Variants in CMSS1 observed in about 807,000 individuals in gnomAD.
CMSS1 encodes cms1 ribosomal small subunit homolog.
A neutral mutation model predicts 43.5 loss-of-function variants in CMSS1; 33 were observed. The ratio of observed to expected loss-of-function variants is 0.76; its 90% CI spans 0.57 to 1.01. CMSS1 has a LOEUF of 1.01. Ranked by LOEUF, CMSS1 falls within the 50% of genes least tolerant of loss-of-function variation. The pLI is 0.00. For synonymous variants in CMSS1, 115 were observed against 117.2 expected (o/e 0.98, Z 0.12); for missense variants, 313 against 326.4 (o/e 0.96, Z 0.32).
intron 1 of CMSS1, among the ~76,000 whole-genome samples, chr3:99,892,094 C>G (rs1466789802): frequency 6.6e-6 from 1 of 152,158 alleles, no homozygotes; most frequent in Non-Finnish European, 1.5e-5. Context: ...ATGCTTTTAC[C>G]AAACCTCTGT....
intron 1 of CMSS1, among the ~76,000 whole-genome samples, chr3:100,014,895 C>CTTTTTTTTTTTTT (rs1233573719): frequency 1.2e-4 from 3 of 25,006 alleles, no homozygotes; most frequent in Non-Finnish European, 1.4e-4. Context: ...TTCTTTCTTT[C>CTTTTTTTTTTTTT]TTTTTTTTTT....
Position 99,924,527 on chromosome 3 carries a change from T to A in CMSS1, c.64+106484T>A, listed in dbSNP as rs1288523750. The A allele has an allele frequency of 2.8e-6, 3 of 1,064,142 alleles. No individual in the cohort carries two copies. In the African/African-American group the frequency reaches 4.8e-5, roughly 17 times the overall value. 65.9% of individuals were successfully genotyped at this position (1,064,142 alleles called of 1,614,324 possible). A position where few individuals can be genotyped will look rare whatever the true frequency, so the allele number is the denominator to read the frequency against. On this transcript the variant is annotated intron_variant, in intron 1 of 9. Coordinates refer to ENST00000421999, the MANE Select transcript of CMSS1 (RefSeq NM_032359.4). The stretch of plus-strand genomic sequence containing the variant: ...CAGTGGGTTTTTTTGGTTTTTTGTT[T>A]GTTTGTTTTGAAACAGTTTTCGCTG...
At position 99,848,674 on chromosome 3, in the gene CMSS1, G is replaced by T. The variant is rs201016244; in HGVS notation, c.64+30631G>T. 31 of 1,614,172 alleles carry T rather than the reference G, an allele frequency of 1.9e-5. No individual in the cohort carries two copies. Among genetic ancestry groups the T allele is most frequent in the Non-Finnish European group, 2.5e-5 (30 of 1,180,028 alleles). On this transcript the variant is annotated intron_variant, in intron 1 of 9. Transcript: ENST00000421999. ...ACCAGTCACAGCCAAAACCTGAATAGGGGACATTGTCCTTTCTGGAGTTAG... is the reference window on the plus strand; with the variant it reads ...ACCAGTCACAGCCAAAACCTGAATATGGGACATTGTCCTTTCTGGAGTTAG...
At chr3:99,952,596 G>A (rs1052926884) in intron 1 of CMSS1, among the ~76,000 whole-genome samples, 43 of 152,044 alleles carry the variant, frequency 2.8e-4, no homozygotes, top group African/African-American at 1.0e-3. Flanking sequence ...ACTATGCTTT[G>A]GTTCTTATAG....
chr3:100,020,454 C>T (rs2064789090), intron 1 of CMSS1, among the ~76,000 whole-genome samples: 1 of 152,138 alleles, frequency 6.6e-6, no homozygotes, highest in South Asian at 2.1e-4. Context: ...TACATGCTGT[C>T]AGCCTAGACA....
At chr3:100,118,956 A>C (rs1251537286) in intron 1 of CMSS1, among the ~76,000 whole-genome samples, 1 of 152,062 alleles carries the variant, frequency 6.6e-6, no homozygotes, top group African/African-American at 2.4e-5. Context: ...AAACATTCCT[A>C]ATCTTTTGGT....
chr3:99,933,204 A>G (rs1707542603), intron 1 of CMSS1, among the ~76,000 whole-genome samples: 1 of 152,214 alleles, frequency 6.6e-6, no homozygotes. Context: ...GCCTAAGACA[A>G]ATGCATATAT....
intron 1 of CMSS1, among the ~76,000 whole-genome samples, chr3:100,063,502 GA>G (rs1278953039): frequency 1.3e-5 from 2 of 151,952 alleles, no homozygotes; most frequent in African/African-American, 4.8e-5. Context: ...TTAAAAAAAA[GA>G]AAAACTTTAT....
intron 1 of CMSS1, among the ~76,000 whole-genome samples, chr3:100,107,934 A>G (rs1576071162): frequency 6.6e-6 from 1 of 151,998 alleles, no homozygotes; most frequent in Non-Finnish European, 1.5e-5. Flanking sequence ...GGGAAGGGAA[A>G]AGGATGTTTC....
intron 1 of CMSS1, among the ~76,000 whole-genome samples, chr3:99,972,177 A>G (rs915798036): frequency 2.0e-5 from 3 of 152,246 alleles, no homozygotes; most frequent in African/African-American, 7.2e-5. Context: ...TGTCATTCAA[A>G]CCAGTCTTTT....
Position 100,162,422 on chromosome 3 carries a change from G to C in CMSS1, c.345G>C (p.Leu115=), listed in dbSNP as rs1333992804. 6.2e-7 allele frequency: 1 copy of C among 1,612,034 alleles called. No individual in the cohort carries two copies. The highest frequency in any genetic ancestry group is 1.1e-5 in the South Asian group (1 of 90,792). ...GCTTGGTGATTGAATTAGAAGAACT[G>C]AACCTGCCAGGTATAGCCAAGCTTC... ...SRRLVIELEE[L]NLPDSCFLKA... is the part of the protein sequence containing the mutation. Residue 115 remains leucine, a synonymous_variant, in exon 4 of 10, where the codon CTG becomes CTC. Coordinates refer to ENST00000421999, the MANE Select transcript of CMSS1 (RefSeq NM_032359.4).
At chr3:99,882,699 T>G (rs1416764769) in intron 1 of CMSS1, among the ~76,000 whole-genome samples, 1 of 152,154 alleles carries the variant, frequency 6.6e-6, no homozygotes, top group Admixed American at 6.5e-5. Context: ...AATGTTTCTT[T>G]TGGGAAACAT....
intron 1 of CMSS1, among the ~76,000 whole-genome samples, chr3:99,823,962 A>C: frequency 7.0e-6 from 1 of 143,724 alleles, no homozygotes. Context: ...TCGCCCTGTC[A>C]CCCAGGCTAG....
intron 1 of CMSS1, among the ~76,000 whole-genome samples, chr3:99,997,460 G>A (rs1193623525): frequency 1.3e-5 from 2 of 152,178 alleles, no homozygotes; most frequent in African/African-American, 4.8e-5. Flanking sequence ...TTGAGGCTAA[G>A]TCTTCCAAGT....
At chr3:99,871,830 G>A (rs939265565) in intron 1 of CMSS1, among the ~76,000 whole-genome samples, 13 of 152,106 alleles carry the variant, frequency 8.5e-5, no homozygotes, top group Admixed American at 3.3e-4. Context: ...TTTGCCAGCC[G>A]GAGGACCTTT....
At position 100,008,509 on chromosome 3, in the gene CMSS1, G is replaced by C. The variant is rs567472618; in HGVS notation, c.65-138464G>C. Among the ~76,000 whole-genome samples, 6 of 152,278 alleles carry C rather than the reference G, an allele frequency of 3.9e-5. No individual in the cohort carries two copies. The South Asian group carries it at 1.2e-3, about 32-fold the overall frequency. ...CAGGACTTCTAGAGATTAGAATTTAGAGGAAGTGCTGGTGATGTCAAGATG... is the reference window on the plus strand; with the variant it reads ...CAGGACTTCTAGAGATTAGAATTTACAGGAAGTGCTGGTGATGTCAAGATG... On this transcript the variant is annotated intron_variant, in intron 1 of 9. Transcript: ENST00000421999.
chr3:100,169,291 A>G (rs1173638754), intron 6 of CMSS1, among the ~76,000 whole-genome samples: 1 of 152,216 alleles, frequency 6.6e-6, no homozygotes, highest in African/African-American at 2.4e-5. Context: ...TTGTAGAATA[A>G]ACAAAAAGGC....
chr3:100,010,916 C>G (rs926862963), intron 1 of CMSS1, among the ~76,000 whole-genome samples: 1 of 151,570 alleles, frequency 6.6e-6, no homozygotes, highest in South Asian at 2.1e-4. Flanking sequence ...TGTGAGCCAC[C>G]GCGCCCAGCT....
chr3:100,036,387 A>C (rs976365605), intron 1 of CMSS1, among the ~76,000 whole-genome samples: 2 of 152,214 alleles, frequency 1.3e-5, no homozygotes, highest in Non-Finnish European at 2.9e-5. Flanking sequence ...AGGACATGTC[A>C]AAAGGACACC....
Sources: gnomAD v4.1 joint callset for allele counts (sites outside exome capture counted in the v4.1 genomes callset) on GRCh38, gnomAD v4.1.1 for gene constraint, MANE v1.5 for transcripts, NCBI Gene and HGNC (gene_info 2026-07-23, HGNC 2026-07-21) for gene names.